The following SNX29 variants were observed in gnomAD, a reference collection of about 807,000 sequenced individuals.
SNX29 encodes sorting nexin 29, also known as sorting nexin-29.
SNX29 carries 78 observed loss-of-function variants against 102.1 expected under a neutral mutation model. The ratio of observed to expected loss-of-function variants is 0.76; its 90% CI spans 0.64 to 0.92. SNX29 has a LOEUF of 0.92. Among genes scored for constraint, SNX29 ranks in the 40% least tolerant of loss-of-function variants. The pLI, the probability that SNX29 is intolerant of heterozygous loss-of-function variation, is 0.00. For synonymous variants in SNX29, 580 were observed against 414.5 expected (o/e 1.40, Z -4.85); for missense variants, 1,280 against 1,061.7 (o/e 1.21, Z -2.86).
chr16:12,133,281 GTTTTTTTTTTTTT>G (rs57733463), intron 13 of SNX29, among the ~76,000 whole-genome samples: 8 of 66,866 alleles, frequency 1.2e-4, no homozygotes, highest in African/African-American at 2.4e-4. Flanking sequence ...CTTAGTGTGG[GTTTTTTTTTTTTT>G]TTTTTTTTTT....
intron 20 of SNX29, among the ~76,000 whole-genome samples, chr16:12,567,274 G>C (rs185517190): frequency 1.5e-4 from 22 of 150,888 alleles, no homozygotes; most frequent in African/African-American, 5.5e-4. Context: ...GGGTCCAGTG[G>C]ATCCAGGACT....
At position 12,078,878 on chromosome 16, in the gene SNX29, G is replaced by T. The variant is rs1037532092; in HGVS notation, c.1365G>T (p.Leu455=). Residue 455 remains leucine (L), a synonymous_variant, in exon 11 of 21, where the codon CTG becomes CTT. Transcript: ENST00000566228. ...GCCACGGAAGTCCTCTGAGCAGCCT[G>T]TTACCTTCTGCCTCAGTGCCAGAGT... ...SPGHGSPLSS[L]LPSASVPESM... 2.5e-6 allele frequency: 4 copies of T among 1,606,728 alleles called. No homozygotes were observed. Among genetic ancestry groups the T allele is most frequent in the Non-Finnish European group, 3.4e-6 (4 of 1,176,850 alleles).
intron 19 of SNX29, among the ~76,000 whole-genome samples, chr16:12,523,254 A>G (rs1459773438): frequency 6.6e-6 from 1 of 152,144 alleles, no homozygotes; most frequent in East Asian, 1.9e-4. Context: ...CACCTGATGT[A>G]TGGGGCCTCC....
rs1001866341 is a variant in SNX29 at position 12,569,364 on chromosome 16, T to G, written c.*735T>G. On this transcript the variant is annotated 3_prime_UTR_variant, in exon 21 of 21. Coordinates refer to ENST00000566228, the MANE Select transcript of SNX29 (RefSeq NM_032167.5). The stretch of plus-strand genomic sequence containing the variant: ...ACCTAGGCCCTCGCCAGGCTTGGAG[T>G]GGGGGGACTCAGACATCTGGCCCAG... The G allele has an allele frequency of 4.3e-6, 1 of 229,986 alleles. No individual in the cohort carries two copies. The highest frequency in any genetic ancestry group is 5.7e-5 in the Admixed American group (1 of 17,608). The allele number at this position is 229,986 out of a possible 1,614,324, so 14.2% of individuals were successfully genotyped here. A position where few individuals can be genotyped will look rare whatever the true frequency, so the allele number is the denominator to read the frequency against.
chr16:12,528,951 A>G (rs940076906), intron 20 of SNX29, among the ~76,000 whole-genome samples: 12 of 152,340 alleles, frequency 7.9e-5, no homozygotes, highest in African/African-American at 2.6e-4. Context: ...CTTTCAGTCC[A>G]GTATTAGATG....
chr16:12,547,126 C>T (rs939379907), intron 20 of SNX29, among the ~76,000 whole-genome samples: 12 of 150,104 alleles, frequency 8.0e-5, no homozygotes, highest in Admixed American at 2.6e-4. Context: ...AATGACATCA[C>T]AGTCATCACA....
At chr16:12,274,570 T>A (rs1163807936) in intron 14 of SNX29, among the ~76,000 whole-genome samples, 12 of 151,736 alleles carry the variant, frequency 7.9e-5, no homozygotes, top group Admixed American at 7.2e-4. Context: ...AGAGTCTTGC[T>A]CTGTGGCCCA....
chr16:12,416,472 C>A (rs1242664786), intron 18 of SNX29, among the ~76,000 whole-genome samples: 1 of 152,172 alleles, frequency 6.6e-6, no homozygotes, highest in Admixed American at 6.5e-5. Context: ...TGGATCTGCT[C>A]ATTACCCTGA....
At chr16:12,379,065 G>A (rs114019316) in intron 16 of SNX29, among the ~76,000 whole-genome samples, 2,427 of 152,292 alleles carry the variant, frequency 0.016, 58 homozygotes, top group African/African-American at 0.055. Flanking sequence ...ACAGGAGAGT[G>A]GAGGTGGGGG....
intron 1 of SNX29, among the ~76,000 whole-genome samples, chr16:11,982,423 G>GTTTTT (rs60761477): frequency 3.1e-4 from 37 of 120,344 alleles, no homozygotes; most frequent in African/African-American, 2.4e-4. Flanking sequence ...CTTTCCATCA[G>GTTTTT]TTTTTTTTTT....
At chr16:12,199,827 TAATC>T in intron 14 of SNX29, 144 bp downstream of exon 14, 1 of 686,718 alleles carries the variant, frequency 1.5e-6, no homozygotes, top group Admixed American at 2.8e-5. Context: ...TCCAGAAAAT[TAATC>T]AGGTGGAAAA....
intron 13 of SNX29, among the ~76,000 whole-genome samples, chr16:12,139,507 C>T (rs62038901): frequency 0.03 from 4,608 of 152,274 alleles, 86 homozygotes; most frequent in Middle Eastern, 0.075. Context: ...GTATGAGTGT[C>T]ACTGAGAAAT....
At position 12,536,646 on chromosome 16, in the gene SNX29, T is replaced by A. The variant is rs149874393; in HGVS notation, c.2318+11805T>A. 1.9e-3 allele frequency among the ~76,000 whole-genome samples: 282 copies of A among 152,284 alleles called. 1 individual carries two copies. The highest frequency in any genetic ancestry group is 6.6e-3 in the African/African-American group (273 of 41,558). ...GCAGCAGGGGTGTATACAGCTAATTTCTGGGTTCCTTAGATCCAGGGAAGA... is the reference window on the plus strand; with the variant it reads ...GCAGCAGGGGTGTATACAGCTAATTACTGGGTTCCTTAGATCCAGGGAAGA... On this transcript the variant is annotated intron_variant, in intron 20 of 20. Coordinates refer to ENST00000566228, the MANE Select transcript of SNX29 (RefSeq NM_032167.5).
intron 3 of SNX29, among the ~76,000 whole-genome samples, chr16:12,006,811 G>A (rs1393833792): frequency 1.3e-5 from 2 of 152,038 alleles, no homozygotes; most frequent in Non-Finnish European, 2.9e-5. Flanking sequence ...TAGAGATGGG[G>A]TCTCACTATG....
chr16:12,552,625 A>G (rs534112524), intron 20 of SNX29, among the ~76,000 whole-genome samples: 96 of 151,790 alleles, frequency 6.3e-4, no homozygotes, highest in South Asian at 2.5e-3. Flanking sequence ...AGCAAAAACC[A>G]AACACCAAAC....
In SNX29 at chr16:12,574,270, A is replaced by C. The variant is rs954626937; in HGVS notation, c.*5641A>C. On this transcript the variant is annotated 3_prime_UTR_variant, in exon 21 of 21. Transcript: ENST00000566228. The stretch of plus-strand genomic sequence containing the variant: ...AATGACACAAATTGTGACATTTTAT[A>C]AATTAGATACTTCAGTGGATGGTCT... 5.7e-6 allele frequency: 1 copy of C among 174,278 alleles called. No homozygotes were observed. The highest frequency in any genetic ancestry group is 1.2e-5 in the Non-Finnish European group (1 of 80,708). The allele number at this position is 174,278 out of a possible 1,614,324, so 10.8% of individuals were successfully genotyped here.
At chr16:12,406,048 G>A (rs2084148873) in intron 18 of SNX29, among the ~76,000 whole-genome samples, 1 of 150,344 alleles carries the variant, frequency 6.7e-6, no homozygotes. Context: ...AAGAAAACAA[G>A]TATGCTATTT....
chr16:12,254,233 T>C (rs756622003), intron 14 of SNX29, among the ~76,000 whole-genome samples: 5 of 152,184 alleles, frequency 3.3e-5, no homozygotes, highest in East Asian at 1.9e-4. Flanking sequence ...ATGGAACACA[T>C]TGAGGGTATT....
rs2076741925 is a variant in SNX29 at position 12,195,128 on chromosome 16, C to T, written c.1596-4473C>T. On this transcript the variant is annotated intron_variant, in intron 13 of 20. Transcript: ENST00000566228. ...AGTAAATACACTCTGTACTCTGCTG[C>T]ATTCAGTTAATGGTATATCAGTGTG... Among the ~76,000 whole-genome samples, 3 of 152,186 alleles carry T rather than the reference C, an allele frequency of 2.0e-5. No individual in the cohort carries two copies. The South Asian group carries it at 6.2e-4, about 32-fold the overall frequency.
Sources: gnomAD v4.1 joint callset for allele counts (sites outside exome capture counted in the v4.1 genomes callset) on GRCh38, gnomAD v4.1.1 for gene constraint, MANE v1.5 for transcripts, NCBI Gene and HGNC (gene_info 2026-07-23, HGNC 2026-07-21) for gene names.